Variants in RALGAPA2 observed in about 807,000 individuals in gnomAD.
RALGAPA2 encodes Ral GTPase activating protein catalytic subunit alpha 2.
A neutral mutation model predicts 230.4 loss-of-function variants in RALGAPA2; 139 were observed. That is an observed-to-expected ratio of 0.60 (90% CI 0.53 to 0.69). RALGAPA2 has a LOEUF of 0.69. Among genes scored for constraint, RALGAPA2 ranks in the 30% least tolerant of loss-of-function variants. RALGAPA2 has a pLI of 0.00. For missense variants in RALGAPA2, 2,163 were observed against 2,276.0 expected, an observed-to-expected ratio of 0.95 and a Z score of 1.01; for synonymous variants, 847 against 837.8, an observed-to-expected ratio of 1.01 and a Z score of -0.19.
rs116646548 is a variant in RALGAPA2, at chr20:20,649,356, T to G, written c.328+4174A>C. On this transcript the variant is annotated intron_variant, in intron 4 of 39. Transcript: ENST00000202677. ...GAGTAGGGACCTTGAGAAATGAGAC[T>G]GGTCAGAGGCTATGTTCACATCCCA... 6.0e-3 allele frequency among the ~76,000 whole-genome samples: 915 copies of G among 152,262 alleles called. 8 individuals carry two copies. The highest frequency in any genetic ancestry group is 0.019 in the African/African-American group (783 of 41,538).
Position 20,392,985 on chromosome 20 carries a change from CT to C in RALGAPA2, c.*303del. The C allele has an allele frequency of 9.3e-7, 1 of 1,077,072 alleles. No homozygotes were observed. Among genetic ancestry groups the C allele is most frequent in the Non-Finnish European group, 1.2e-6 (1 of 810,514 alleles). 66.7% of individuals were successfully genotyped at this position (1,077,072 alleles called of 1,614,324 possible). A position where few individuals can be genotyped will look rare whatever the true frequency, so the allele number is the denominator to read the frequency against. On this transcript the variant is annotated 3_prime_UTR_variant, in exon 40 of 40. Coordinates refer to ENST00000202677, the MANE Select transcript of RALGAPA2 (RefSeq NM_020343.4). The stretch of plus-strand genomic sequence containing the variant: ...CATCTCTGGTTTTTGGTGACTTTTT[CT>C]TTTCTTCTTTGGAAGTCCAAGGTTT...
chr20:20,697,877 G>A (rs2069179498), intron 1 of RALGAPA2, among the ~76,000 whole-genome samples: 1 of 152,182 alleles, frequency 6.6e-6, no homozygotes, highest in Non-Finnish European at 1.5e-5. Context: ...ATGAGACTGG[G>A]TAAGTACCCT....
At chr20:20,504,111 T>C (rs1241766054) in intron 34 of RALGAPA2, among the ~76,000 whole-genome samples, 3 of 152,152 alleles carry the variant, frequency 2.0e-5, no homozygotes, top group African/African-American at 7.2e-5. Context: ...TATTCTAACA[T>C]ATATGAAAAA....
chr20:20,464,315 T>C lies in RALGAPA2; in HGVS notation c.5495+8514A>G, dbSNP rs995652938. ...CCGCCCGCTCCCAGTCTCAGAGCCA[T>C]GGAGAGCTTCCTTTAGGCATTACAA... On this transcript the variant is annotated intron_variant, in intron 37 of 39. Coordinates refer to ENST00000202677, the MANE Select transcript of RALGAPA2 (RefSeq NM_020343.4). Among the ~76,000 whole-genome samples the C allele has an allele frequency of 6.6e-5, 10 of 152,348 alleles. No individual in the cohort carries two copies. The East Asian group carries it at 7.7e-4, about 12-fold the overall frequency.
chr20:20,695,214 T>C (rs968499021), intron 1 of RALGAPA2, among the ~76,000 whole-genome samples: 6 of 152,218 alleles, frequency 3.9e-5, no homozygotes, highest in Admixed American at 3.9e-4. Flanking sequence ...ATCCAACTTT[T>C]AAATTACTCC....
chr20:20,468,822 T>C (rs2061476718), intron 37 of RALGAPA2, among the ~76,000 whole-genome samples: 1 of 151,972 alleles, frequency 6.6e-6, no homozygotes. Flanking sequence ...CACACTGACT[T>C]AGTCCACCTC....
intron 24 of RALGAPA2, among the ~76,000 whole-genome samples, chr20:20,546,123 G>C (rs1568562623): frequency 6.6e-6 from 1 of 152,182 alleles, no homozygotes; most frequent in Non-Finnish European, 1.5e-5. Context: ...CTTAGTAGTA[G>C]AGGTAAATGT....
chr20:20,439,217 GT>G (rs1173075376), intron 37 of RALGAPA2, among the ~76,000 whole-genome samples: 81 of 144,462 alleles, frequency 5.6e-4, no homozygotes, highest in Admixed American at 9.7e-4. Context: ...CCTGGTTTTA[GT>G]TTTTTTTTTT....
chr20:20,494,617 C>A (rs926059667), intron 36 of RALGAPA2, among the ~76,000 whole-genome samples: 2 of 152,210 alleles, frequency 1.3e-5, no homozygotes, highest in East Asian at 3.8e-4. Flanking sequence ...GTGGGCCGTG[C>A]TCCAGAGTCC....
chr20:20,625,870 G>A (rs933361731), intron 10 of RALGAPA2, among the ~76,000 whole-genome samples: 27 of 152,136 alleles, frequency 1.8e-4, no homozygotes, highest in African/African-American at 6.0e-4. Flanking sequence ...GGCAGCAGAT[G>A]AGGGATACCC....
At chr20:20,415,137 T>C (rs1332500661) in intron 37 of RALGAPA2, among the ~76,000 whole-genome samples, 2 of 152,272 alleles carry the variant, frequency 1.3e-5, no homozygotes, top group Admixed American at 1.3e-4. Context: ...AGCAGTATCA[T>C]CTGACATTTT....
At chr20:20,470,662 T>C (rs551397373) in intron 37 of RALGAPA2, among the ~76,000 whole-genome samples, 1 of 152,248 alleles carries the variant, frequency 6.6e-6, no homozygotes, top group South Asian at 2.1e-4. Flanking sequence ...TTTCAAAAAA[T>C]AGGAAAAAAT....
intron 16 of RALGAPA2, among the ~76,000 whole-genome samples, chr20:20,594,604 A>G (rs1044651991): frequency 6.6e-6 from 1 of 152,114 alleles, no homozygotes; most frequent in Non-Finnish European, 1.5e-5. Flanking sequence ...TCTATCTTAG[A>G]TTCACCAAAT....
At position 20,531,734 on chromosome 20, in the gene RALGAPA2, G is replaced by A. The variant is rs201205382; in HGVS notation, c.3535C>T (p.His1179Tyr). The stretch of plus-strand genomic sequence containing the variant: ...TTGATGGCCTCTTTCACCTGAGGGT[G>A]GCTTGTACACTGTGCAAGCTCTTCA... The part of the protein sequence containing the change: ...ICEELAQCTS[H>Y]PQVKEAINVI... Residue 1179 changes from histidine (H) to tyrosine (Y), a missense_variant, in exon 27 of 40, where the codon CAC becomes TAC. By Grantham distance (83) the His-to-Tyr change is moderately conservative. Transcript: ENST00000202677. 5 of 1,609,214 alleles carry A rather than the reference G, an allele frequency of 3.1e-6. No individual in the cohort carries two copies. The South Asian group carries it at 3.3e-5, about 11-fold the overall frequency.
chr20:20,627,081 T>C (rs750154436), intron 10 of RALGAPA2, among the ~76,000 whole-genome samples: 13 of 152,230 alleles, frequency 8.5e-5, no homozygotes, highest in Middle Eastern at 3.4e-3. Context: ...TCGTGGACTA[T>C]TACGATAAAA....
rs187965410 is a variant in RALGAPA2 at position 20,544,876 on chromosome 20, G to T, written c.3285+1828C>A. On this transcript the variant is annotated intron_variant, in intron 24 of 39. Coordinates refer to ENST00000202677, the MANE Select transcript of RALGAPA2 (RefSeq NM_020343.4). ...CACATACTGGGGCCTGTCAGGGGGT[G>T]GGGGGCAAGGGGAGGGATAGCATTA... Among the ~76,000 whole-genome samples, 561 of 152,144 alleles carry T rather than the reference G, an allele frequency of 3.7e-3. 4 individuals carry two copies. Among genetic ancestry groups the T allele is most frequent in the African/African-American group, 0.013 (549 of 41,488 alleles).
At chr20:20,688,595 C>T (rs1452718106) in intron 1 of RALGAPA2, among the ~76,000 whole-genome samples, 1 of 152,168 alleles carries the variant, frequency 6.6e-6, no homozygotes. Flanking sequence ...GGTAAGGACA[C>T]CTTGCCCAGC....
intron 24 of RALGAPA2, among the ~76,000 whole-genome samples, chr20:20,543,977 G>A (rs1369889838): frequency 6.6e-6 from 1 of 151,714 alleles, no homozygotes; most frequent in Non-Finnish European, 1.5e-5. Context: ...ATATGAAAGT[G>A]GGTGAAGGTT....
intron 37 of RALGAPA2, among the ~76,000 whole-genome samples, chr20:20,443,736 A>G (rs1164070206): frequency 6.6e-6 from 1 of 152,274 alleles, no homozygotes; most frequent in Non-Finnish European, 1.5e-5. Context: ...CTGTTTCCGC[A>G]TGGCTAAATG....
Sources: gnomAD v4.1 joint callset for allele counts (sites outside exome capture counted in the v4.1 genomes callset) on GRCh38, gnomAD v4.1.1 for gene constraint, MANE v1.5 for transcripts, NCBI Gene and HGNC (gene_info 2026-07-23, HGNC 2026-07-21) for gene names.